PTPRD: variants seen among roughly 807,000 people sequenced by gnomAD.
PTPRD encodes the protein protein tyrosine phosphatase receptor type D.
A neutral mutation model predicts 214.5 loss-of-function variants in PTPRD; 34 were observed. That is an observed-to-expected ratio of 0.16 (90% CI 0.12 to 0.21). The LOEUF is 0.21. PTPRD is among the 10% of genes least tolerant of loss of function. The pLI is 1.00. For synonymous variants in PTPRD, 1,128 were observed against 845.7 expected (o/e 1.33, Z -5.79); for missense variants, 2,545 against 2,398.7 (o/e 1.06, Z -1.27).
chr9:9,189,151 T>C (rs2099933532), intron 9 of PTPRD, among the ~76,000 whole-genome samples: 1 of 152,142 alleles, frequency 6.6e-6, no homozygotes, highest in Non-Finnish European at 1.5e-5. Flanking sequence ...GCTGTTTTAG[T>C]AAGTGATTGC....
intron 3 of PTPRD, among the ~76,000 whole-genome samples, chr9:10,170,676 G>T (rs779521306): frequency 6.6e-6 from 1 of 152,164 alleles, no homozygotes; most frequent in African/African-American, 2.4e-5. Flanking sequence ...GACAGAGCAA[G>T]ACTCCGTCTC....
intron 8 of PTPRD, among the ~76,000 whole-genome samples, chr9:9,521,253 A>T (rs1446587506): frequency 6.6e-6 from 1 of 152,128 alleles, no homozygotes; most frequent in Non-Finnish European, 1.5e-5. Context: ...GGTCTGCGTG[A>T]TACTTTTTCC....
chr9:10,300,573 G>C (rs1439558439), intron 3 of PTPRD, among the ~76,000 whole-genome samples: 2 of 152,190 alleles, frequency 1.3e-5, no homozygotes, highest in Non-Finnish European at 2.9e-5. Flanking sequence ...CTCAAGCTTG[G>C]TGAGGGAAGG....
intron 2 of PTPRD, among the ~76,000 whole-genome samples, chr9:10,583,758 G>A (rs759982189): frequency 7.9e-5 from 12 of 152,026 alleles, no homozygotes; most frequent in Admixed American, 2.6e-4. Context: ...GATTACAGGC[G>A]TGAGCCACCG....
intron 2 of PTPRD, among the ~76,000 whole-genome samples, chr9:10,414,476 A>T: frequency 6.6e-6 from 1 of 151,916 alleles, no homozygotes; most frequent in Non-Finnish European, 1.5e-5. Flanking sequence ...AGGAACACTT[A>T]GACACTGTTG....
At chr9:9,262,742 C>T (rs1025726085) in intron 9 of PTPRD, among the ~76,000 whole-genome samples, 5 of 151,478 alleles carry the variant, frequency 3.3e-5, no homozygotes, top group Admixed American at 6.6e-5. Flanking sequence ...ATTTTTAATG[C>T]CATGTTTCTT....
At chr9:9,072,625 T>G (rs2099745423) in intron 10 of PTPRD, among the ~76,000 whole-genome samples, 1 of 152,188 alleles carries the variant, frequency 6.6e-6, no homozygotes, top group African/African-American at 2.4e-5. Flanking sequence ...CACATACTAT[T>G]CTACATAGTC....
At chr9:10,171,084 A>G (rs2099201499) in intron 3 of PTPRD, among the ~76,000 whole-genome samples, 1 of 152,204 alleles carries the variant, frequency 6.6e-6, no homozygotes, top group Non-Finnish European at 1.5e-5. Context: ...TGCCCCAAAC[A>G]GCAACAATGT....
chr9:10,431,382 C>G (rs866034117), intron 2 of PTPRD, among the ~76,000 whole-genome samples: 1 of 152,004 alleles, frequency 6.6e-6, no homozygotes, highest in African/African-American at 2.4e-5. Context: ...TGGGCAAGGA[C>G]TTCATGTCTA....
intron 4 of PTPRD, among the ~76,000 whole-genome samples, chr9:10,008,009 G>A (rs1425011919): frequency 3.3e-5 from 5 of 151,942 alleles, no homozygotes; most frequent in Admixed American, 6.6e-5. Flanking sequence ...AGTTTATAAA[G>A]TAATAAACCA....
intron 10 of PTPRD, among the ~76,000 whole-genome samples, chr9:9,169,264 G>A (rs1192168391): frequency 6.6e-6 from 1 of 151,872 alleles, no homozygotes; most frequent in Non-Finnish European, 1.5e-5. Flanking sequence ...TATATATAAA[G>A]GTCATACTAC....
chr9:9,071,140 C>T (rs2099743113), intron 10 of PTPRD, among the ~76,000 whole-genome samples: 1 of 152,072 alleles, frequency 6.6e-6, no homozygotes, highest in Non-Finnish European at 1.5e-5. Context: ...CCTTTAAATA[C>T]CCAGTAAAAC....
At chr9:9,497,230 A>T (rs144019187) in intron 8 of PTPRD, among the ~76,000 whole-genome samples, 2 of 152,322 alleles carry the variant, frequency 1.3e-5, no homozygotes, top group East Asian at 3.9e-4. Context: ...ACACTTAAAA[A>T]TGGTTAGGAT....
At chr9:9,371,503 T>C (rs2059481585) in intron 9 of PTPRD, among the ~76,000 whole-genome samples, 1 of 152,178 alleles carries the variant, frequency 6.6e-6, no homozygotes, top group Non-Finnish European at 1.5e-5. Context: ...TCTTCTCTCT[T>C]TTCTTCTTTA....
At chr9:9,378,935 C>G (rs975517391) in intron 9 of PTPRD, among the ~76,000 whole-genome samples, 2 of 151,604 alleles carry the variant, frequency 1.3e-5, no homozygotes, top group South Asian at 2.1e-4. Context: ...TAAATATTTT[C>G]TTTTTCCATT....
intron 11 of PTPRD, among the ~76,000 whole-genome samples, chr9:8,913,440 C>A (rs1476724174): frequency 2.0e-5 from 3 of 151,954 alleles, no homozygotes; most frequent in Admixed American, 6.6e-5. Context: ...TTTGCAACAT[C>A]CATTTGTTTA....
chr9:9,877,559 G>C lies in PTPRD; in HGVS notation c.-368+60948C>G, dbSNP rs191394917. 2.6e-3 allele frequency among the ~76,000 whole-genome samples: 396 copies of C among 152,246 alleles called. 1 individual carries two copies. Among genetic ancestry groups the C allele is most frequent in the African/African-American group, 9.2e-3 (382 of 41,548 alleles). On this transcript the variant is annotated intron_variant, in intron 5 of 45. Transcript: ENST00000381196. ...GTGAATCTTAGGTGAAAGGAGGAAG[G>C]AGAATGTTTTCTGCTCCAAGACTTC...
At chr9:8,465,434 A>G in intron 32 of PTPRD, 32 bp downstream of exon 32, 2 of 1,588,430 alleles carry the variant, frequency 1.3e-6, no homozygotes, top group Non-Finnish European at 1.7e-6. Context: ...TAAGCGTACC[A>G]TAGGAAACAG....
At chr9:10,596,069 A>G (rs900528639) in intron 2 of PTPRD, among the ~76,000 whole-genome samples, 2 of 151,812 alleles carry the variant, frequency 1.3e-5, no homozygotes, top group African/African-American at 4.8e-5. Context: ...ATGCGTTTAT[A>G]CCTACATTTG....
Sources: allele counts gnomAD v4.1 joint callset (sites outside exome capture counted in the v4.1 genomes callset), GRCh38; gene constraint gnomAD v4.1.1; transcripts MANE v1.5; gene names NCBI Gene and HGNC (gene_info 2026-07-23, HGNC 2026-07-21).